LSAMP: variants seen among roughly 807,000 people sequenced by gnomAD.
LSAMP encodes the protein limbic system associated membrane protein, also known as limbic system-associated membrane protein.
A neutral mutation model predicts 38.6 loss-of-function variants in LSAMP; 7 were observed. That is an observed-to-expected ratio of 0.18 (90% CI 0.10 to 0.34). LSAMP has a LOEUF of 0.34. Ranked by LOEUF, LSAMP falls within the 10% of genes least tolerant of loss-of-function variation. LSAMP has a pLI of 1.00. For synonymous variants in LSAMP, 154 were observed against 166.8 expected (o/e 0.92, Z 0.59); for missense variants, 313 against 420.0 (o/e 0.75, Z 2.23).
chr3:116,134,556 C>G (rs1333387810), intron 1 of LSAMP, among the ~76,000 whole-genome samples: 1 of 152,202 alleles, frequency 6.6e-6, no homozygotes, highest in South Asian at 2.1e-4. Flanking sequence ...CCTGGACTTC[C>G]TCATCAGGCT....
chr3:116,445,154 T>G lies in LSAMP; in HGVS notation c.-123A>C. On this transcript the variant is annotated 5_prime_UTR_variant, in exon 1 of 7. Transcript: ENST00000490035. The stretch of plus-strand genomic sequence containing the variant: ...GAGCGCAGAGCGGGCTTTGCCAGTT[T>G]ATGGTCCTTTCCACTTTGCCTCTCT... 2.1e-6 allele frequency: 2 copies of G among 937,216 alleles called. No individual in the cohort carries two copies. The highest frequency in any genetic ancestry group is 2.6e-5 in the East Asian group (1 of 38,156). 58.1% of individuals were successfully genotyped at this position (937,216 alleles called of 1,614,324 possible).
At chr3:115,835,692 A>G (rs1247310809) in intron 6 of LSAMP, among the ~76,000 whole-genome samples, 1 of 152,150 alleles carries the variant, frequency 6.6e-6, no homozygotes, top group Non-Finnish European at 1.5e-5. Context: ...AAAAGAGTAG[A>G]TTTTACCTGG....
chr3:116,025,983 G>GATC (rs1336695678), intron 2 of LSAMP, among the ~76,000 whole-genome samples: 1 of 152,070 alleles, frequency 6.6e-6, no homozygotes, highest in African/African-American at 2.4e-5. Flanking sequence ...GCATTGGTGT[G>GATC]ATCATAGTTC....
intron 1 of LSAMP, among the ~76,000 whole-genome samples, chr3:116,417,193 T>C (rs991503494): frequency 1.3e-5 from 2 of 152,216 alleles, no homozygotes; most frequent in African/African-American, 4.8e-5. Context: ...GACATCTTTA[T>C]CCTGAGCACC....
At chr3:115,893,968 AAT>A (rs1277219032) in intron 3 of LSAMP, among the ~76,000 whole-genome samples, 27 of 151,982 alleles carry the variant, frequency 1.8e-4, no homozygotes, top group Non-Finnish European at 8.8e-5. Flanking sequence ...CATCACTTCA[AAT>A]CCCCTTTCAG....
At position 115,922,382 on chromosome 3, in the gene LSAMP, A is replaced by G. The variant is rs116880560; in HGVS notation, c.515-69765T>C. Among the ~76,000 whole-genome samples, 244 of 152,158 alleles carry G rather than the reference A, an allele frequency of 1.6e-3. 2 individuals carry two copies. The East Asian group carries it at 0.04, about 25-fold the overall frequency. Reference sequence around the variant, plus strand: ...ATTGACTATCTCTAATGAATATTTCAGTTCAGAGCATTCTCCAGCTCCAAA... The same window carrying G: ...ATTGACTATCTCTAATGAATATTTCGGTTCAGAGCATTCTCCAGCTCCAAA... On this transcript the variant is annotated intron_variant, in intron 3 of 6. Transcript: ENST00000490035.
Position 116,113,677 on chromosome 3 carries a change from G to A in LSAMP, c.156-27121C>T, listed in dbSNP as rs370668937. ...CCTGGCCTTGTGATCCGCCCGCCTC[G>A]GCCTCCCAAAGTGCTGGGATTACAG... is the stretch of plus-strand genomic sequence containing the variant. On this transcript the variant is annotated intron_variant, in intron 1 of 6. Transcript: ENST00000490035. 5.5e-4 allele frequency among the ~76,000 whole-genome samples: 83 copies of A among 151,508 alleles called. 3 individuals are homozygous for A. Among genetic ancestry groups the A allele is most frequent in the Non-Finnish European group, 1.5e-5 (1 of 67,922 alleles).
At chr3:116,301,537 C>CATCT (rs1409516733) in intron 1 of LSAMP, among the ~76,000 whole-genome samples, 3 of 152,084 alleles carry the variant, frequency 2.0e-5, no homozygotes, top group Non-Finnish European at 4.4e-5. Context: ...CAAGACTATA[C>CATCT]ATCTTTCCCA....
At chr3:115,903,283 AT>A (rs1936925439) in intron 3 of LSAMP, among the ~76,000 whole-genome samples, 1 of 152,194 alleles carries the variant, frequency 6.6e-6, no homozygotes, top group South Asian at 2.1e-4. Context: ...TGGGAGCTAA[AT>A]GATGAGAACA....
chr3:116,297,037 G>GGAAA (rs764465120), intron 1 of LSAMP, among the ~76,000 whole-genome samples: 1 of 152,104 alleles, frequency 6.6e-6, no homozygotes, highest in Non-Finnish European at 1.5e-5. Flanking sequence ...TAAAAAGTAT[G>GGAAA]GAAAGAAATA....
At chr3:116,359,293 G>A (rs536220609) in intron 1 of LSAMP, among the ~76,000 whole-genome samples, 1 of 152,254 alleles carries the variant, frequency 6.6e-6, no homozygotes, top group South Asian at 2.1e-4. Flanking sequence ...AGTTTTGTAT[G>A]TGATACCAAC....
At chr3:116,106,070 A>T (rs1460424413) in intron 1 of LSAMP, among the ~76,000 whole-genome samples, 8 of 152,102 alleles carry the variant, frequency 5.3e-5, no homozygotes, top group Non-Finnish European at 1.0e-4. Flanking sequence ...TGAATTGAGA[A>T]ACTAAATGGA....
intron 1 of LSAMP, among the ~76,000 whole-genome samples, chr3:116,208,182 G>C (rs564917467): frequency 2.0e-5 from 3 of 152,092 alleles, no homozygotes; most frequent in African/African-American, 4.8e-5. Context: ...CTTTCTTCCA[G>C]TTGATCGCAT....
intron 1 of LSAMP, among the ~76,000 whole-genome samples, chr3:116,327,295 T>A (rs1247525862): frequency 6.6e-6 from 1 of 152,180 alleles, no homozygotes; most frequent in African/African-American, 2.4e-5. Context: ...GCATTTTACC[T>A]TCTAGTAAGG....
In LSAMP at chr3:115,808,147, T is replaced by TCCCTC. The variant is rs1933685210; in HGVS notation, c.*2169_*2170insGAGGG. 2 of 52,908 alleles carry TCCCTC rather than the reference T, an allele frequency of 3.8e-5. No individual in the cohort carries two copies. Among genetic ancestry groups the TCCCTC allele is most frequent in the African/African-American group, 1.7e-4 (2 of 12,018 alleles). The allele number at this position is 52,908 out of a possible 1,614,324, so 3.3% of individuals were successfully genotyped here. A position where few individuals can be genotyped will look rare whatever the true frequency, so the allele number is the denominator to read the frequency against. On this transcript the variant is annotated 3_prime_UTR_variant, in exon 7 of 7. Transcript: ENST00000490035. ...CTCCCTCCCTCCCTCCCTCCCTCCC[T>TCCCTC]CCCCCCCTTCCCCGTCCCCCCCTCC...
chr3:116,174,841 C>G (rs1710297504), intron 1 of LSAMP, among the ~76,000 whole-genome samples: 1 of 152,146 alleles, frequency 6.6e-6, no homozygotes. Context: ...CACCATTTAG[C>G]CTATCCACCA....
rs2046087138 is a variant in LSAMP, at chr3:116,207,498, C to T, written c.156-120942G>A. Among the ~76,000 whole-genome samples, 5 of 151,204 alleles carry T rather than the reference C, an allele frequency of 3.3e-5. No individual in the cohort carries two copies. The South Asian group carries it at 1.1e-3, about 32-fold the overall frequency. ...TTAGTTGATGCAGTTTCTTCCTAGT[C>T]TCGATGGTCTTTACATTTTGGCATG... On this transcript the variant is annotated intron_variant, in intron 1 of 6. Coordinates refer to ENST00000490035, the MANE Select transcript of LSAMP (RefSeq NM_002338.5).
At chr3:115,878,017 G>A (rs1383038281) in intron 3 of LSAMP, among the ~76,000 whole-genome samples, 1 of 152,084 alleles carries the variant, frequency 6.6e-6, no homozygotes, top group African/African-American at 2.4e-5. Context: ...GTGCCATCAG[G>A]CCAATGAGCT....
At chr3:115,838,820 A>G (rs1181225324) in intron 6 of LSAMP, among the ~76,000 whole-genome samples, 1 of 152,220 alleles carries the variant, frequency 6.6e-6, no homozygotes, top group Non-Finnish European at 1.5e-5. Context: ...TGTGACTGCA[A>G]GTTTACACTG....
Sources: gnomAD v4.1 joint callset for allele counts (sites outside exome capture counted in the v4.1 genomes callset) on GRCh38, gnomAD v4.1.1 for gene constraint, MANE v1.5 for transcripts, NCBI Gene and HGNC (gene_info 2026-07-23, HGNC 2026-07-21) for gene names.